The following IQCM variants were observed in gnomAD, a reference collection of about 807,000 sequenced individuals.
The protein encoded by IQCM is IQ domain-containing protein M.
In IQCM, 45 loss-of-function variants were observed where a neutral mutation model predicts 57.6. The observed-to-expected ratio is 0.78, with a 90% CI of 0.62 to 1.00. The LOEUF (loss-of-function observed/expected upper bound fraction) is 1.00. Ranked by LOEUF, IQCM falls within the 50% of genes least tolerant of loss-of-function variation. IQCM has a pLI of 0.00. For missense variants in IQCM, 468 were observed against 511.6 expected (o/e 0.91, Z 0.82); for synonymous variants, 148 against 158.9 (o/e 0.93, Z 0.51).
Position 149,698,686 on chromosome 4 carries a change from A to G in IQCM, c.386-12218T>C, listed in dbSNP as rs185463112. Among the ~76,000 whole-genome samples, 313 of 152,228 alleles carry G rather than the reference A, an allele frequency of 2.1e-3. 2 individuals are homozygous for G. The highest frequency in any genetic ancestry group is 3.5e-3 in the Admixed American group (53 of 15,276). On this transcript the variant is annotated intron_variant, in intron 5 of 13. Transcript: ENST00000636793. ...AGACAATGTAATGAAAACCAATTCA[A>G]TGTCTTTATGCTAACCTTATATATT...
At chr4:149,627,471 T>A (rs1756912743) in intron 7 of IQCM, among the ~76,000 whole-genome samples, 1 of 152,238 alleles carries the variant, frequency 6.6e-6, no homozygotes, top group Non-Finnish European at 1.5e-5. Flanking sequence ...TAATACTTGT[T>A]AACACTTATT....
intron 8 of IQCM, among the ~76,000 whole-genome samples, chr4:149,609,370 A>G (rs1755078022): frequency 6.6e-6 from 1 of 151,880 alleles, no homozygotes; most frequent in South Asian, 2.1e-4. Context: ...TGAGGAGAGA[A>G]TACTTCCAAA....
intron 8 of IQCM, among the ~76,000 whole-genome samples, chr4:149,591,213 T>C (rs747477599): frequency 6.6e-5 from 10 of 152,200 alleles, no homozygotes; most frequent in Admixed American, 2.6e-4. Flanking sequence ...AAAAAGCACC[T>C]GTATAATTCA....
intron 7 of IQCM, among the ~76,000 whole-genome samples, chr4:149,679,162 G>A (rs1414322897): frequency 6.6e-6 from 1 of 151,614 alleles, no homozygotes; most frequent in Non-Finnish European, 1.5e-5. Context: ...TAAAGAAAAT[G>A]TGACACATAT....
chr4:149,619,692 T>A (rs1398372303), intron 8 of IQCM, among the ~76,000 whole-genome samples: 2 of 152,214 alleles, frequency 1.3e-5, no homozygotes. Context: ...TTCAGTTGTC[T>A]AATGATGTTA....
chr4:149,546,856 T>G (rs1167540619), intron 12 of IQCM, among the ~76,000 whole-genome samples: 5 of 152,168 alleles, frequency 3.3e-5, no homozygotes, highest in Non-Finnish European at 7.4e-5. Flanking sequence ...TGGCTTTTGT[T>G]GCCATTGCTT....
intron 9 of IQCM, among the ~76,000 whole-genome samples, chr4:149,575,636 T>C (rs984220583): frequency 6.6e-6 from 1 of 151,878 alleles, no homozygotes; most frequent in Non-Finnish European, 1.5e-5. Context: ...CCTCCTATTT[T>C]TGACTGTTTC....
chr4:149,444,262 G>A (rs193199238), intron 12 of IQCM, among the ~76,000 whole-genome samples: 22 of 151,832 alleles, frequency 1.4e-4, no homozygotes, highest in African/African-American at 5.3e-4. Context: ...TGTGTAAATA[G>A]CACACTTTTT....
At position 149,400,862 on chromosome 4, in the gene IQCM, C is replaced by G. The variant is rs1222538842; in HGVS notation, c.1390+32534G>C. ...AGAAATTAGGTTTATCCACAAATCTCATGTAAAGCTGTATAGACTAATTCT... is the reference window on the plus strand; with the variant it reads ...AGAAATTAGGTTTATCCACAAATCTGATGTAAAGCTGTATAGACTAATTCT... On this transcript the variant is annotated intron_variant, in intron 13 of 13. Coordinates refer to ENST00000636793, the MANE Select transcript of IQCM (RefSeq NM_001363507.2). Among the ~76,000 whole-genome samples, 3 of 151,826 alleles carry G rather than the reference C, an allele frequency of 2.0e-5. No homozygotes were observed. In the East Asian group the frequency reaches 5.8e-4, roughly 30 times the overall value.
chr4:149,756,663 A>C (rs1280733621), intron 2 of IQCM, among the ~76,000 whole-genome samples: 1 of 152,212 alleles, frequency 6.6e-6, no homozygotes, highest in Non-Finnish European at 1.5e-5. Context: ...GCTATTACTT[A>C]CAAAAATTTA....
chr4:149,369,336 A>G (rs1349148528), intron 13 of IQCM, among the ~76,000 whole-genome samples: 1 of 151,788 alleles, frequency 6.6e-6, no homozygotes, highest in Admixed American at 6.6e-5. Context: ...GAGCCACCAC[A>G]CCTGGCTGAC....
chr4:149,807,729 T>C (rs183247252), intron 2 of IQCM, among the ~76,000 whole-genome samples: 85 of 151,914 alleles, frequency 5.6e-4, no homozygotes, highest in Non-Finnish European at 9.4e-4. Flanking sequence ...AAAAAATTAA[T>C]AGCAAAAAGA....
intron 2 of IQCM, among the ~76,000 whole-genome samples, chr4:149,765,517 T>C (rs531768789): frequency 6.6e-6 from 1 of 152,164 alleles, no homozygotes; most frequent in Middle Eastern, 3.4e-3. Flanking sequence ...TAGTTTCACT[T>C]TAAAGCAAGG....
In IQCM at chr4:149,562,450, A is replaced by G. The variant is rs558076035; in HGVS notation, c.948+1242T>C. The stretch of plus-strand genomic sequence containing the variant: ...TGAACAATGAGTGGTAGAACAGTTT[A>G]TCAATATAGATAGTTACAGAAAAGA... On this transcript the variant is annotated intron_variant, in intron 10 of 13. Coordinates refer to ENST00000636793, the MANE Select transcript of IQCM (RefSeq NM_001363507.2). 9.8e-5 allele frequency among the ~76,000 whole-genome samples: 15 copies of G among 152,340 alleles called. No individual in the cohort carries two copies. In the South Asian group the frequency reaches 3.1e-3, roughly 32 times the overall value.
chr4:149,444,443 C>T lies in IQCM; in HGVS notation c.1229-10886G>A, dbSNP rs1736288292. Among the ~76,000 whole-genome samples the T allele has an allele frequency of 2.0e-5, 3 of 151,844 alleles. No homozygotes were observed. The South Asian group carries it at 6.2e-4, about 32-fold the overall frequency. The stretch of plus-strand genomic sequence containing the variant: ...TCCCTCTGTTTTGTGCATGATATTT[C>T]CTGGAAATATAAGACAACTTGGGTT... On this transcript the variant is annotated intron_variant, in intron 12 of 13. Coordinates refer to ENST00000636793, the MANE Select transcript of IQCM (RefSeq NM_001363507.2).
chr4:149,740,305 A>T (rs1767341059), intron 3 of IQCM, among the ~76,000 whole-genome samples: 1 of 152,206 alleles, frequency 6.6e-6, no homozygotes, highest in Non-Finnish European at 1.5e-5. Context: ...AGTTTAGCAC[A>T]CATTTTTTAA....
intron 2 of IQCM, among the ~76,000 whole-genome samples, chr4:149,801,574 T>G (rs1200847574): frequency 1.3e-5 from 2 of 151,954 alleles, no homozygotes; most frequent in Non-Finnish European, 2.9e-5. Flanking sequence ...AAAAATGAGA[T>G]CCTGTTATTT....
At chr4:149,447,727 A>T (rs1406436233) in intron 12 of IQCM, among the ~76,000 whole-genome samples, 1 of 151,628 alleles carries the variant, frequency 6.6e-6, no homozygotes, top group African/African-American at 2.4e-5. Flanking sequence ...ATATTTGAAA[A>T]ATAATGACCA....
intron 9 of IQCM, among the ~76,000 whole-genome samples, chr4:149,581,292 C>T (rs1169906421): frequency 6.8e-6 from 1 of 146,990 alleles, no homozygotes; most frequent in Non-Finnish European, 1.5e-5. Flanking sequence ...CATATATACA[C>T]ATGTATATAT....
Sources: gnomAD v4.1 joint callset for allele counts (sites outside exome capture counted in the v4.1 genomes callset) on GRCh38, gnomAD v4.1.1 for gene constraint, MANE v1.5 for transcripts, NCBI Gene and HGNC (gene_info 2026-07-23, HGNC 2026-07-21) for gene names.